MED27: variants seen among roughly 807,000 people sequenced by gnomAD.
The protein encoded by MED27 is mediator of RNA polymerase II transcription subunit 27.
A neutral mutation model predicts 38.2 loss-of-function variants in MED27; 30 were observed. The ratio of observed to expected loss-of-function variants is 0.79; its 90% CI spans 0.59 to 1.07. MED27 has a LOEUF of 1.07. Among genes scored for constraint, MED27 ranks in the 50% least tolerant of loss-of-function variants. MED27 has a pLI of 0.00. For synonymous variants in MED27, 122 were observed against 153.5 expected (o/e 0.79, Z 1.52); for missense variants, 289 against 397.5 (o/e 0.73, Z 2.32).
chr9:131,889,617 T>A lies in MED27; in HGVS notation c.681+4268A>T, dbSNP rs1271106707. Reference sequence around the variant, plus strand: ...CAGGTAAAGAGACAGGATGCTAGGGTCATGGCGGTGGTTGTTAGAGCAAAG... The same window carrying A: ...CAGGTAAAGAGACAGGATGCTAGGGACATGGCGGTGGTTGTTAGAGCAAAG... On this transcript the variant is annotated intron_variant, in intron 5 of 7. Transcript: ENST00000292035. The surrounding 1 kb of genome is among the most constrained non-coding windows in gnomAD (Gnocchi z 4.2). Among the ~76,000 whole-genome samples, 1 of 152,116 alleles carries A rather than the reference T, an allele frequency of 6.6e-6. No individual in the cohort carries two copies. Among genetic ancestry groups the A allele is most frequent in the Non-Finnish European group, 1.5e-5 (1 of 68,012 alleles).
intron 4 of MED27, among the ~76,000 whole-genome samples, chr9:131,934,627 C>G (rs1195618383): frequency 6.6e-6 from 1 of 152,140 alleles, no homozygotes; most frequent in East Asian, 1.9e-4. Context: ...TAAATTAGTA[C>G]AACCACCATG....
intron 2 of MED27, among the ~76,000 whole-genome samples, chr9:132,039,854 C>T (rs1303867777): frequency 5.9e-5 from 9 of 152,302 alleles, no homozygotes; most frequent in Admixed American, 4.6e-4. Context: ...GGACACCACT[C>T]GCCTCTGTGA....
intron 4 of MED27, among the ~76,000 whole-genome samples, chr9:131,918,513 A>T (rs1305661763): frequency 6.6e-6 from 1 of 152,240 alleles, no homozygotes; most frequent in Non-Finnish European, 1.5e-5. Context: ...TCTAAGAAAA[A>T]ACCATTTATC....
chr9:131,927,740 T>A (rs1267024721), intron 4 of MED27, among the ~76,000 whole-genome samples: 1 of 152,206 alleles, frequency 6.6e-6, no homozygotes, highest in Admixed American at 6.5e-5. Flanking sequence ...TAAGCCAAGC[T>A]GAAATATACA....
intron 3 of MED27, among the ~76,000 whole-genome samples, chr9:131,956,585 C>T (rs1393139981): frequency 6.7e-6 from 1 of 148,394 alleles, no homozygotes; most frequent in Non-Finnish European, 1.5e-5. Context: ...CACTGCACTC[C>T]AGCTGGGTGA....
chr9:131,943,036 G>C (rs564113079), intron 3 of MED27, among the ~76,000 whole-genome samples: 1 of 152,132 alleles, frequency 6.6e-6, no homozygotes, highest in Non-Finnish European at 1.5e-5. Context: ...TCCCCAACCC[G>C]TGACCTCAGA....
chr9:131,937,772 C>T (rs965720250), intron 4 of MED27, among the ~76,000 whole-genome samples: 2 of 151,946 alleles, frequency 1.3e-5, no homozygotes, highest in African/African-American at 2.4e-5. Flanking sequence ...TATGTTTCAA[C>T]TGCTAGGTCT....
chr9:131,973,071 A>C (rs1193745805), intron 3 of MED27, among the ~76,000 whole-genome samples: 1 of 152,264 alleles, frequency 6.6e-6, no homozygotes, highest in African/African-American at 2.4e-5. Context: ...GATAACTGAC[A>C]TTAATCATGA....
intron 5 of MED27, among the ~76,000 whole-genome samples, chr9:131,888,987 C>T (rs1839185015): frequency 6.6e-6 from 1 of 152,192 alleles, no homozygotes; most frequent in South Asian, 2.1e-4. Context: ...CTGGATTCCC[C>T]TTTCCCTGGC....
At chr9:131,988,561 T>C (rs1250579482) in intron 3 of MED27, among the ~76,000 whole-genome samples, 2 of 152,228 alleles carry the variant, frequency 1.3e-5, no homozygotes, top group Non-Finnish European at 2.9e-5. Context: ...CATTTTATTT[T>C]CTCTGGCTTA....
intron 2 of MED27, among the ~76,000 whole-genome samples, chr9:132,064,986 T>C (rs1288629431): frequency 6.6e-6 from 1 of 152,212 alleles, no homozygotes; most frequent in Non-Finnish European, 1.5e-5. Flanking sequence ...GGTAGGGAAT[T>C]ACTGGCTTCG....
chr9:132,038,149 T>A (rs1016741216), intron 2 of MED27, among the ~76,000 whole-genome samples: 13 of 151,684 alleles, frequency 8.6e-5, no homozygotes, highest in Non-Finnish European at 1.8e-4. Context: ...ATTCAGCAAA[T>A]ATTTATGGGC....
intron 6 of MED27, among the ~76,000 whole-genome samples, chr9:131,870,174 T>G (rs1838805213): frequency 6.6e-6 from 1 of 152,224 alleles, no homozygotes; most frequent in Admixed American, 6.5e-5. Context: ...AGAGTGGCAC[T>G]GCTTGCAATA....
chr9:131,890,029 G>T (rs1203011007), intron 5 of MED27, among the ~76,000 whole-genome samples: 3 of 152,160 alleles, frequency 2.0e-5, no homozygotes, highest in African/African-American at 4.8e-5. Context: ...ATTTCATTTG[G>T]GATGTGCCAG....
intron 2 of MED27, among the ~76,000 whole-genome samples, chr9:132,056,148 T>C (rs996088083): frequency 6.6e-6 from 1 of 152,214 alleles, no homozygotes; most frequent in Admixed American, 6.5e-5. Context: ...AAAATAACTA[T>C]GGCATATTTG....
At chr9:132,066,152 G>A (rs1833804324) in intron 2 of MED27, among the ~76,000 whole-genome samples, 1 of 152,270 alleles carries the variant, frequency 6.6e-6, no homozygotes, top group Non-Finnish European at 1.5e-5. Context: ...GACCCATAGA[G>A]CAGGCAGCCG....
At chr9:131,944,602 A>G (rs981202470) in intron 3 of MED27, among the ~76,000 whole-genome samples, 5 of 149,252 alleles carry the variant, frequency 3.4e-5, no homozygotes, top group African/African-American at 1.2e-4. Context: ...ATCTCAGCTC[A>G]CTGCAACCTC....
chr9:132,003,235 G>A lies in MED27; in HGVS notation c.479+11102C>T, dbSNP rs1832283393. ...TCCTGGATAAAATCACCTTGTAAAG[G>A]AGAAATGCAATTAGAGGATGCAATG... On this transcript the variant is annotated intron_variant, in intron 3 of 7. Coordinates refer to ENST00000292035, the MANE Select transcript of MED27 (RefSeq NM_004269.4). This position sits in a 1 kb window ranked among gnomAD's most constrained non-coding sequence, Gnocchi z 4.2. 6.6e-6 allele frequency among the ~76,000 whole-genome samples: 1 copy of A among 152,198 alleles called. No homozygotes were observed. The highest frequency in any genetic ancestry group is 2.4e-5 in the African/African-American group (1 of 41,448).
In MED27 at chr9:132,052,233, G is replaced by C. The variant is rs1024554536; in HGVS notation, c.348+25209C>G. Among the ~76,000 whole-genome samples the C allele has an allele frequency of 2.6e-5, 4 of 152,148 alleles. No homozygotes were observed. In the East Asian group the frequency reaches 7.7e-4, roughly 29 times the overall value. ...TTCCTTTAAGAGGGGTCAGTTATTCGTCTACAAATTTCTGCTTCAGAAGCA... is the reference window on the plus strand; with the variant it reads ...TTCCTTTAAGAGGGGTCAGTTATTCCTCTACAAATTTCTGCTTCAGAAGCA... On this transcript the variant is annotated intron_variant, in intron 2 of 7. Coordinates refer to ENST00000292035, the MANE Select transcript of MED27 (RefSeq NM_004269.4).
Sources: allele counts gnomAD v4.1 joint callset (sites outside exome capture counted in the v4.1 genomes callset), GRCh38; gene constraint gnomAD v4.1.1; non-coding constraint Gnocchi (gnomAD v3.1); transcripts MANE v1.5; gene names NCBI Gene and HGNC (gene_info 2026-07-23, HGNC 2026-07-21).